The following ZRANB3 variants were observed in gnomAD, a reference collection of about 807,000 sequenced individuals.
ZRANB3 encodes the protein zinc finger RANBP2-type containing 3, also known as DNA annealing helicase and endonuclease ZRANB3.
In ZRANB3, 125 loss-of-function variants were observed where a neutral mutation model predicts 133.8. The observed-to-expected ratio is 0.93, with a 90% CI of 0.81 to 1.08. ZRANB3 has a LOEUF of 1.08. ZRANB3 is among the 50% of genes least tolerant of loss of function. The pLI is 0.00. For synonymous variants in ZRANB3, 387 were observed against 432.7 expected, an observed-to-expected ratio of 0.89 and a Z score of 1.31; for missense variants, 1,229 against 1,275.5, an observed-to-expected ratio of 0.96 and a Z score of 0.56.
At chr2:135,418,329 C>A (rs1029491001) in intron 2 of ZRANB3, among the ~76,000 whole-genome samples, 3 of 152,158 alleles carry the variant, frequency 2.0e-5, no homozygotes, top group African/African-American at 7.2e-5. Context: ...CACTGGAGTA[C>A]TAGAACCAAT....
chr2:135,400,231 C>G (rs1687676236), intron 2 of ZRANB3, among the ~76,000 whole-genome samples: 1 of 151,858 alleles, frequency 6.6e-6, no homozygotes, highest in Non-Finnish European at 1.5e-5. Flanking sequence ...CAGAGCAAGA[C>G]TTCATCTCAA....
intron 6 of ZRANB3, among the ~76,000 whole-genome samples, chr2:135,328,309 T>A (rs1231661758): frequency 7.2e-6 from 1 of 138,610 alleles, no homozygotes; most frequent in Non-Finnish European, 1.5e-5. Flanking sequence ...AGTGAGAACA[T>A]GTGGTGTTTG....
chr2:135,244,743 T>C (rs1356782654), intron 12 of ZRANB3, among the ~76,000 whole-genome samples: 2 of 152,220 alleles, frequency 1.3e-5, no homozygotes, highest in Non-Finnish European at 2.9e-5. Flanking sequence ...TTAATTAAGC[T>C]ATTTTAAAAA....
intron 2 of ZRANB3, among the ~76,000 whole-genome samples, chr2:135,451,846 A>G (rs887102619): frequency 6.6e-6 from 1 of 152,228 alleles, no homozygotes; most frequent in Admixed American, 6.5e-5. Flanking sequence ...AATCCAAACT[A>G]AACTTCTAGA....
At chr2:135,480,205 G>A (rs1691712957) in intron 2 of ZRANB3, among the ~76,000 whole-genome samples, 1 of 151,804 alleles carries the variant, frequency 6.6e-6, no homozygotes, top group African/African-American at 2.4e-5. Context: ...GCCTCCCAAA[G>A]TGCTGGGATT....
intron 8 of ZRANB3, among the ~76,000 whole-genome samples, chr2:135,307,825 T>C (rs1682777359): frequency 6.6e-6 from 1 of 152,204 alleles, no homozygotes. Context: ...TTAGGTTCTC[T>C]TGTTACATTT....
At chr2:135,434,364 CAA>C (rs1266338037) in intron 2 of ZRANB3, among the ~76,000 whole-genome samples, 1 of 152,102 alleles carries the variant, frequency 6.6e-6, no homozygotes, top group Non-Finnish European at 1.5e-5. Flanking sequence ...TATGAGTAAA[CAA>C]AGAGAAGACT....
At chr2:135,320,313 AAG>A (rs1683460355) in intron 6 of ZRANB3, among the ~76,000 whole-genome samples, 2 of 152,234 alleles carry the variant, frequency 1.3e-5, no homozygotes, top group African/African-American at 4.8e-5. Flanking sequence ...GCATAGAACA[AAG>A]AGAAAAGGTG....
At chr2:135,411,719 T>C (rs576711656) in intron 2 of ZRANB3, among the ~76,000 whole-genome samples, 1 of 152,132 alleles carries the variant, frequency 6.6e-6, no homozygotes, top group African/African-American at 2.4e-5. Context: ...TGGGAGCTGA[T>C]CAATGGGTAC....
rs140767438 is a variant in ZRANB3, at chr2:135,386,901, T to C, written c.180+3901A>G. On this transcript the variant is annotated intron_variant, in intron 3 of 20. Coordinates refer to ENST00000264159, the MANE Select transcript of ZRANB3 (RefSeq NM_032143.4). Reference sequence around the variant, plus strand: ...GAAATACCTAATGTAAATGATGAGTTGATGGGTGCAGCAAACCAACATGGC... The same window carrying C: ...GAAATACCTAATGTAAATGATGAGTCGATGGGTGCAGCAAACCAACATGGC... Among the ~76,000 whole-genome samples the C allele has an allele frequency of 4.4e-3, 666 of 151,780 alleles. 8 individuals carry two copies. The highest frequency in any genetic ancestry group is 0.015 in the African/African-American group (624 of 41,354).
rs1165746215 is a variant in ZRANB3 at position 135,407,847 on chromosome 2, G to A, written c.162-17027C>T. ...TCAAGATGGATTAAAGACTTACCAC[G>A]TTAGACCTAAAACCATAAAAACCCT... On this transcript the variant is annotated intron_variant, in intron 2 of 20. Coordinates refer to ENST00000264159, the MANE Select transcript of ZRANB3 (RefSeq NM_032143.4). Among the ~76,000 whole-genome samples, 6 of 115,920 alleles carry A rather than the reference G, an allele frequency of 5.2e-5. 1 individual carries two copies. Among genetic ancestry groups the A allele is most frequent in the Admixed American group, 2.6e-4 (3 of 11,520 alleles). The allele number at this position is 115,920 out of a possible 152,430, so 76.0% of individuals were successfully genotyped here. A position where few individuals can be genotyped will look rare whatever the true frequency, so the allele number is the denominator to read the frequency against.
intron 2 of ZRANB3, among the ~76,000 whole-genome samples, chr2:135,424,359 T>G (rs1386202090): frequency 3.9e-5 from 6 of 152,174 alleles, no homozygotes; most frequent in Non-Finnish European, 5.9e-5. Context: ...CCAAGACATC[T>G]AATATCTGAA....
chr2:135,277,795 C>T (rs1027325997), intron 8 of ZRANB3, among the ~76,000 whole-genome samples: 2 of 151,600 alleles, frequency 1.3e-5, no homozygotes, highest in Admixed American at 6.6e-5. Flanking sequence ...TGTGGTAGCA[C>T]GTGCCTGTAA....
intron 20 of ZRANB3, among the ~76,000 whole-genome samples, chr2:135,202,114 G>A (rs1337286612): frequency 6.6e-6 from 1 of 152,158 alleles, no homozygotes; most frequent in Non-Finnish European, 1.5e-5. Flanking sequence ...CTACAGTAGA[G>A]ATCTGCTCAA....
intron 5 of ZRANB3, among the ~76,000 whole-genome samples, chr2:135,349,009 C>T (rs1573955269): frequency 6.6e-6 from 1 of 152,088 alleles, no homozygotes; most frequent in South Asian, 2.1e-4. Flanking sequence ...ATGTCAATTA[C>T]GTGGAGCTAC....
chr2:135,423,110 G>A (rs947361892), intron 2 of ZRANB3, among the ~76,000 whole-genome samples: 2 of 152,126 alleles, frequency 1.3e-5, no homozygotes, highest in Non-Finnish European at 2.9e-5. Flanking sequence ...TGCTTACACA[G>A]CATTATTCCT....
chr2:135,345,414 GC>G, intron 6 of ZRANB3, 135 bp downstream of exon 6: 1 of 599,090 alleles, frequency 1.7e-6, no homozygotes. Context: ...ATTGTAGTGA[GC>G]CATGATGGTG....
chr2:135,311,580 A>AC (rs1682976988), intron 8 of ZRANB3, among the ~76,000 whole-genome samples: 1 of 146,378 alleles, frequency 6.8e-6, no homozygotes, highest in African/African-American at 2.6e-5. Context: ...AGGTGAAAGA[A>AC]TAAAAAAAAA....
chr2:135,528,181 T>G (rs986064417), intron 1 of ZRANB3, among the ~76,000 whole-genome samples: 1 of 151,900 alleles, frequency 6.6e-6, no homozygotes, highest in African/African-American at 2.4e-5. Context: ...CAGAGTCTCC[T>G]GTGTTGCCCC....
Sources: gnomAD v4.1 joint callset for allele counts (sites outside exome capture counted in the v4.1 genomes callset) on GRCh38, gnomAD v4.1.1 for gene constraint, MANE v1.5 for transcripts, NCBI Gene and HGNC (gene_info 2026-07-23, HGNC 2026-07-21) for gene names.